LIPN: variants seen among roughly 807,000 people sequenced by gnomAD.
LIPN encodes lipase member N.
A neutral mutation model predicts 43.7 loss-of-function variants in LIPN; 32 were observed. That is an observed-to-expected ratio of 0.73 (90% CI 0.55 to 0.98). The LOEUF (loss-of-function observed/expected upper bound fraction) is 0.98. Ranked by LOEUF, LIPN falls within the 50% of genes least tolerant of loss-of-function variation. The pLI is 0.00. For synonymous variants in LIPN, 156 were observed against 157.6 expected (o/e 0.99, Z 0.08); for missense variants, 505 against 483.8 (o/e 1.04, Z -0.41).
rs376128793 is a variant in LIPN at position 88,768,887 on chromosome 10, A to G, written c.631A>G (p.Ile211Val). 6.2e-6 allele frequency: 10 copies of G among 1,611,506 alleles called. No homozygotes were observed. Among genetic ancestry groups the G allele is most frequent in the African/African-American group, 1.3e-5 (1 of 74,842 alleles). Residue 211 changes from isoleucine to valine, a missense_variant, in exon 6 of 10, where the codon ATT becomes GTT. Ile to Val is a conservative substitution (Grantham distance 29). Coordinates refer to ENST00000404459, the MANE Select transcript of LIPN (RefSeq NM_001102469.2). ...PTISFKYPTG[I>V]FTRFFLLPNS... ...GATCTCATTCAAATATCCCACGGGCATTTTTACCAGGTTTTTTCTACTTCC... is the reference window on the plus strand; with the variant it reads ...GATCTCATTCAAATATCCCACGGGCGTTTTTACCAGGTTTTTTCTACTTCC...
Position 88,764,464 on chromosome 10 carries a change from G to T in LIPN, c.281G>T (p.Trp94Leu). The change falls in exon 4 of 10, where the codon TGG becomes TTG. Residue 94 changes from tryptophan (W) to leucine (L), a missense_variant. By Grantham distance (61) the Trp-to-Leu change is moderately conservative. Transcript: ENST00000404459. ...QHALFADNAY[W>L]LENYANGSLG... ...GCCCTGTTTGCAGACAATGCCTACT[G>T]GCTTGAGAATTATGCTAATGGAAGC... 6.2e-7 allele frequency: 1 copy of T among 1,612,390 alleles called. No individual in the cohort carries two copies.
rs1258802117 is a variant in LIPN at position 88,770,957 on chromosome 10, T to C, written c.785T>C (p.Leu262Ser). ...LWLICSEFMSLWAGSNKKNMN... is the reference protein window; with the variant it reads ...LWLICSEFMSSWAGSNKKNMN... Reference sequence around the variant, plus strand: ...TTGATATGTAGCGAATTTATGTCCTTATGGGCTGGATCCAACAAGAAAAAT... The same window carrying C: ...TTGATATGTAGCGAATTTATGTCCTCATGGGCTGGATCCAACAAGAAAAAT... Residue 262 changes from leucine (L) to serine (S), a missense_variant, in exon 7 of 10, where the codon TTA becomes TCA. Transcript: ENST00000404459. 6.4e-7 allele frequency: 1 copy of C among 1,571,782 alleles called. No homozygotes were observed.
chr10:88,771,851 A>G (rs1480438500), intron 7 of LIPN, among the ~76,000 whole-genome samples: 1 of 151,468 alleles, frequency 6.6e-6, no homozygotes, highest in East Asian at 1.9e-4. Context: ...TAGTTCCTGT[A>G]CTAATTTACA....
rs1440299703 is a variant in LIPN, at chr10:88,778,092, C to T, written c.1047C>T (p.Pro349=). The change falls in exon 10 of 10, where the codon CCC becomes CCT. Residue 349 remains proline, a synonymous_variant. Coordinates refer to ENST00000404459, the MANE Select transcript of LIPN (RefSeq NM_001102469.2). ...GTGGACATGATGTCCTCGTAACACCCCAGGATGTGGCCAGGATACTCCCTC... is the reference window on the plus strand; with the variant it reads ...GTGGACATGATGTCCTCGTAACACCTCAGGATGTGGCCAGGATACTCCCTC... ...WAGGHDVLVT[P]QDVARILPQI... 1.2e-6 allele frequency: 2 copies of T among 1,613,456 alleles called. No individual in the cohort carries two copies. Among genetic ancestry groups the T allele is most frequent in the African/African-American group, 1.3e-5 (1 of 74,872 alleles).
intron 4 of LIPN, among the ~76,000 whole-genome samples, chr10:88,765,902 G>T (rs1360227066): frequency 6.6e-6 from 1 of 151,862 alleles, no homozygotes; most frequent in Non-Finnish European, 1.5e-5. Flanking sequence ...TTCCAAAGAT[G>T]GGTATTAAAT....
chr10:88,760,893 C>T (rs375842), intron 1 of LIPN, among the ~76,000 whole-genome samples: 36,066 of 151,990 alleles, frequency 0.24, 4,408 homozygotes, highest in East Asian at 0.37. Flanking sequence ...TTGAAATACG[C>T]AAAATTTGCC....
At chr10:88,766,970 G>A (rs997005334) in intron 5 of LIPN, among the ~76,000 whole-genome samples, 1 of 151,856 alleles carries the variant, frequency 6.6e-6, no homozygotes, top group Non-Finnish European at 1.5e-5. Flanking sequence ...AATTTCTAAA[G>A]TTTTTTAAGC....
At chr10:88,775,634 A>G (rs1445264884) in intron 9 of LIPN, among the ~76,000 whole-genome samples, 1 of 152,066 alleles carries the variant, frequency 6.6e-6, no homozygotes, top group African/African-American at 2.4e-5. Context: ...TGAAAGTTGA[A>G]TAAGTATTAC....
intron 5 of LIPN, among the ~76,000 whole-genome samples, chr10:88,768,173 C>A (rs1372899413): frequency 5.3e-5 from 8 of 151,710 alleles, no homozygotes; most frequent in Admixed American, 5.3e-4. Context: ...CAAAGGGGTG[C>A]AATGCTACTG....
At chr10:88,763,938 C>A (rs1843045309) in intron 3 of LIPN, among the ~76,000 whole-genome samples, 1 of 151,926 alleles carries the variant, frequency 6.6e-6, no homozygotes, top group Non-Finnish European at 1.5e-5. Context: ...TCTTTGTAAA[C>A]CACACCCAGG....
intron 3 of LIPN, 46 bp from the exon 4 acceptor site, chr10:88,764,364 T>C: frequency 7.0e-7 from 1 of 1,432,952 alleles, no homozygotes; most frequent in Non-Finnish European, 9.7e-7. Context: ...TTTCTCTCTC[T>C]CTCTTTCTCT....
intron 9 of LIPN, among the ~76,000 whole-genome samples, chr10:88,776,893 C>T (rs1026339759): frequency 6.6e-6 from 1 of 151,998 alleles, no homozygotes; most frequent in Non-Finnish European, 1.5e-5. Flanking sequence ...TGCCCTTGAT[C>T]CCATCTCTTC....
At chr10:88,770,513 A>G (rs1215873967) in intron 6 of LIPN, among the ~76,000 whole-genome samples, 1 of 151,814 alleles carries the variant, frequency 6.6e-6, no homozygotes, top group Non-Finnish European at 1.5e-5. Flanking sequence ...GAGGGCCTTT[A>G]TTGCAATCTC....
rs765085560 is a variant in LIPN at position 88,778,200 on chromosome 10, G to A, written c.1155G>A (p.Arg385=). The change falls in exon 10 of 10, where the codon CGG becomes CGA. Residue 385 remains arginine, a synonymous_variant. Transcript: ENST00000404459. ...TCTGGGGCCTCGATGCCCCTCAACGGATGTACAGTGAAATCATAGCTTTAA... is the reference window on the plus strand; with the variant it reads ...TCTGGGGCCTCGATGCCCCTCAACGAATGTACAGTGAAATCATAGCTTTAA... ...DFVWGLDAPQ[R]MYSEIIALMK... 6.2e-7 allele frequency: 1 copy of A among 1,612,382 alleles called. No individual in the cohort carries two copies. Among genetic ancestry groups the A allele is most frequent in the Non-Finnish European group, 8.5e-7 (1 of 1,179,160 alleles).
Position 88,764,459 on chromosome 10 carries a change from C to T in LIPN, c.276C>T (p.Ala92=). ...AGCATGCCCTGTTTGCAGACAATGCCTACTGGCTTGAGAATTATGCTAATG... is the reference window on the plus strand; with the variant it reads ...AGCATGCCCTGTTTGCAGACAATGCTTACTGGCTTGAGAATTATGCTAATG... ...YMQHALFADN[A]YWLENYANGS... Residue 92 remains alanine (A), a synonymous_variant, in exon 4 of 10, where the codon GCC becomes GCT. Transcript: ENST00000404459. 2 of 1,612,446 alleles carry T rather than the reference C, an allele frequency of 1.2e-6. No homozygotes were observed. Among genetic ancestry groups the T allele is most frequent in the East Asian group, 4.5e-5 (2 of 44,810 alleles).
upstream of LIPN, among the ~76,000 whole-genome samples, chr10:88,759,337 G>T (rs1054349419): frequency 6.6e-6 from 1 of 152,106 alleles, no homozygotes; most frequent in Non-Finnish European, 1.5e-5. Context: ...TTCAGTTACG[G>T]CTTAAGCTCC....
In LIPN at chr10:88,762,282, G is replaced by C. The variant is rs1355125114; in HGVS notation, c.203G>C (p.Gly68Ala). ...CTCCTTGTCAACAGAATTCCTTATG[G>C]GCGAACACATGCTAGGAGCACAGGT... ...YILLVNRIPY[G>A]RTHARSTGPR... is the part of the protein sequence containing the mutation. Residue 68 changes from glycine (G) to alanine (A), a missense_variant, in exon 3 of 10, where the codon GGG (glycine) becomes GCG (alanine). Coordinates refer to ENST00000404459, the MANE Select transcript of LIPN (RefSeq NM_001102469.2). The C allele has an allele frequency of 6.2e-7, 1 of 1,606,170 alleles. No individual in the cohort carries two copies. The highest frequency in any genetic ancestry group is 8.5e-7 in the Non-Finnish European group (1 of 1,175,576).
Position 88,761,476 on chromosome 10 carries a change from T to A in LIPN, c.71T>A (p.Leu24Ter). The stretch of plus-strand genomic sequence containing the variant: ...TTAAATGCTGGTGGATTCCTTGATT[T>A]GGAAAATGAAGTGAATCCTGAGGTG... ...GTLNAGGFLD[L>*]ENEVNPEVWM... The change falls in exon 2 of 10, where the codon TTG (leucine) becomes TAG (stop). Residue 24 changes from leucine to a stop codon, truncating the protein, a stop_gained. Coordinates refer to ENST00000404459, the MANE Select transcript of LIPN (RefSeq NM_001102469.2). LOFTEE classifies it high-confidence loss of function. 1.2e-6 allele frequency: 2 copies of A among 1,612,358 alleles called. No homozygotes were observed. The highest frequency in any genetic ancestry group is 1.7e-6 in the Non-Finnish European group (2 of 1,178,924).
Position 88,778,564 on chromosome 10 carries a change from C to G in LIPN, c.*322C>G, listed in dbSNP as rs150967598. Reference sequence around the variant, plus strand: ...AGAAATGTCTGAAGCTTCAAAGGAACAGTGAAATTCCTTTAAGGTCCTATA... The same window carrying G: ...AGAAATGTCTGAAGCTTCAAAGGAAGAGTGAAATTCCTTTAAGGTCCTATA... On this transcript the variant is annotated 3_prime_UTR_variant, in exon 10 of 10. Coordinates refer to ENST00000404459, the MANE Select transcript of LIPN (RefSeq NM_001102469.2). 2.1e-3 allele frequency among the ~76,000 whole-genome samples: 312 copies of G among 152,184 alleles called. 1 individual carries two copies. The highest frequency in any genetic ancestry group is 7.2e-3 in the African/African-American group (297 of 41,520).
Sources: gnomAD v4.1 joint callset for allele counts (sites outside exome capture counted in the v4.1 genomes callset) on GRCh38, gnomAD v4.1.1 for gene constraint, MANE v1.5 for transcripts, NCBI Gene and HGNC (gene_info 2026-07-23, HGNC 2026-07-21) for gene names.